The following BAIAP2L1 variants were observed in gnomAD, a reference collection of about 807,000 sequenced individuals.
BAIAP2L1 encodes BAR/IMD domain containing adaptor protein 2 like 1, also known as BAR/IMD domain-containing adapter protein 2-like 1.
Under a neutral mutation model 66.3 loss-of-function variants are expected in BAIAP2L1, and 35 were observed. That is an observed-to-expected ratio of 0.53 (90% CI 0.40 to 0.70). The LOEUF (loss-of-function observed/expected upper bound fraction) is 0.70, where lower values mean the gene tolerates loss of function less well. BAIAP2L1 is among the 30% of genes least tolerant of loss of function. The probability of loss-of-function intolerance (pLI) is 0.00; values close to 1 mark genes in which losing one functional copy is unlikely to be tolerated. For synonymous variants in BAIAP2L1, 269 were observed against 248.7 expected (o/e 1.08, Z -0.77); for missense variants, 622 against 656.9 (o/e 0.95, Z 0.58).
At chr7:98,298,863 G>C (rs960643257) in intron 12 of BAIAP2L1, among the ~76,000 whole-genome samples, 1 of 152,016 alleles carries the variant, frequency 6.6e-6, no homozygotes, top group Non-Finnish European at 1.5e-5. Context: ...TTGTTTTTGA[G>C]ACAGGTCTTG....
chr7:98,343,489 AAT>A (rs1229844939), intron 3 of BAIAP2L1, among the ~76,000 whole-genome samples: 1 of 152,066 alleles, frequency 6.6e-6, no homozygotes, highest in Admixed American at 6.6e-5. Flanking sequence ...GTTGGATTAA[AAT>A]ATGTTACTGG....
chr7:98,392,199 C>G (rs1000520753), intron 1 of BAIAP2L1, among the ~76,000 whole-genome samples: 3 of 146,752 alleles, frequency 2.0e-5, no homozygotes, highest in African/African-American at 7.5e-5. Flanking sequence ...TCTACCTTAG[C>G]TGGGTGTGGT....
At chr7:98,302,263 T>C (rs1800460619) in intron 12 of BAIAP2L1, among the ~76,000 whole-genome samples, 1 of 152,196 alleles carries the variant, frequency 6.6e-6, no homozygotes, top group African/African-American at 2.4e-5. Context: ...ATAAATACGC[T>C]GACAATGACA....
chr7:98,334,736 TG>T (rs1801572384), intron 3 of BAIAP2L1, among the ~76,000 whole-genome samples: 1 of 151,680 alleles, frequency 6.6e-6, no homozygotes, highest in South Asian at 2.1e-4. Context: ...AGTAGAGATG[TG>T]GTTTCACCAT....
intron 9 of BAIAP2L1, chr7:98,308,330 TG>T (rs777485939): frequency 4.4e-6 from 2 of 457,258 alleles, no homozygotes; most frequent in South Asian, 3.1e-5. Flanking sequence ...AGAAGAAAGC[TG>T]GAAATGCAGT....
At chr7:98,319,859 T>G (rs775861159) in intron 5 of BAIAP2L1, among the ~76,000 whole-genome samples, 199 bp downstream of exon 5, 10 of 152,094 alleles carry the variant, frequency 6.6e-5, no homozygotes, top group Admixed American at 2.0e-4. Context: ...CCCCTATGCT[T>G]TCTAATAAGA....
chr7:98,376,349 C>CA (rs930062879), intron 1 of BAIAP2L1, among the ~76,000 whole-genome samples: 10 of 150,892 alleles, frequency 6.6e-5, no homozygotes, highest in African/African-American at 1.5e-4. Context: ...CCAAAAACAA[C>CA]AAAAAAAATT....
intron 1 of BAIAP2L1, among the ~76,000 whole-genome samples, chr7:98,384,969 G>T (rs1802853177): frequency 6.6e-6 from 1 of 152,122 alleles, no homozygotes; most frequent in Non-Finnish European, 1.5e-5. Context: ...AAAGTGCTGG[G>T]ATTACAGGCA....
chr7:98,331,189 G>C (rs1159918388), intron 3 of BAIAP2L1, among the ~76,000 whole-genome samples: 3 of 152,128 alleles, frequency 2.0e-5, no homozygotes, highest in African/African-American at 7.2e-5. Flanking sequence ...AAACTGAAAT[G>C]CAAGGAGAAT....
chr7:98,308,638 T>C, intron 9 of BAIAP2L1: 1 of 225,712 alleles, frequency 4.4e-6, no homozygotes. Context: ...GGCTGATATT[T>C]CCACTCCAGG....
chr7:98,320,384 G>A, intron 3 of BAIAP2L1, 86 bp from the exon 4 acceptor site: 1 of 1,014,806 alleles, frequency 9.9e-7, no homozygotes, highest in Non-Finnish European at 1.5e-6. Flanking sequence ...CGCCCAGGCT[G>A]GAGTGCAAAG....
In BAIAP2L1 at chr7:98,313,066, CTGA is replaced by C. The variant is rs1800929990; in HGVS notation, c.640-805_640-803del. Among the ~76,000 whole-genome samples, 3 of 151,628 alleles carry C rather than the reference CTGA, an allele frequency of 2.0e-5. 1 individual carries two copies. Among genetic ancestry groups the C allele is most frequent in the Admixed American group, 6.6e-5 (1 of 15,218 alleles). ...TGAGTTTATCAAGAGTGGTGGGGGG[CTGA>C]TGTCAGTCCTGGGGAAGGGCAAAGA... On this transcript the variant is annotated intron_variant, in intron 7 of 13. Transcript: ENST00000005260.
At chr7:98,342,066 T>A (rs941972117) in intron 3 of BAIAP2L1, among the ~76,000 whole-genome samples, 16 of 104,664 alleles carry the variant, frequency 1.5e-4, no homozygotes, top group Admixed American at 6.3e-4. Context: ...TTTTTTTTTT[T>A]ATAAAGACAG....
At chr7:98,362,888 CAGG>C (rs1200128815) in intron 1 of BAIAP2L1, among the ~76,000 whole-genome samples, 2 of 151,970 alleles carry the variant, frequency 1.3e-5, no homozygotes, top group East Asian at 3.9e-4. Flanking sequence ...TAGAAATTTC[CAGG>C]AGATTTTGTT....
chr7:98,392,120 C>T (rs1184721233), intron 1 of BAIAP2L1, among the ~76,000 whole-genome samples: 1 of 150,010 alleles, frequency 6.7e-6, no homozygotes, highest in African/African-American at 2.5e-5. Context: ...ATCACTGGAG[C>T]CCAGGAGTTC....
intron 6 of BAIAP2L1, among the ~76,000 whole-genome samples, chr7:98,316,040 G>A (rs748358710): frequency 6.6e-6 from 1 of 152,168 alleles, no homozygotes; most frequent in African/African-American, 2.4e-5. Context: ...CTATGTGTTT[G>A]GGGAGGGACC....
At chr7:98,308,885 C>T (rs926156760) in intron 9 of BAIAP2L1, 3 of 152,650 alleles carry the variant, frequency 2.0e-5, no homozygotes, top group African/African-American at 4.8e-5. Context: ...CGCTATGTTG[C>T]CCAGCCTGGT....
chr7:98,312,339 A>G lies in BAIAP2L1; in HGVS notation c.640-75T>C. On this transcript the variant is annotated intron_variant, in intron 7 of 13. Transcript: ENST00000005260. ...GCTGAGAAAAATGACATCACGTCAT[A>G]TCGCTGATAACAGATTACTGGCTTA... The G allele has an allele frequency of 2.0e-6, 3 of 1,464,128 alleles. No individual in the cohort carries two copies. The South Asian group carries it at 4.0e-5, about 20-fold the overall frequency. The allele number at this position is 1,464,128 out of a possible 1,614,324, so 90.7% of individuals were successfully genotyped here.
At chr7:98,399,284 A>G (rs1203965662) in intron 1 of BAIAP2L1, among the ~76,000 whole-genome samples, 1 of 152,194 alleles carries the variant, frequency 6.6e-6, no homozygotes, top group African/African-American at 2.4e-5. Flanking sequence ...CCCTACCTGT[A>G]AGGCATAATT....
Sources: allele counts gnomAD v4.1 joint callset (sites outside exome capture counted in the v4.1 genomes callset), GRCh38; gene constraint gnomAD v4.1.1; transcripts MANE v1.5; gene names NCBI Gene and HGNC (gene_info 2026-07-23, HGNC 2026-07-21).